The following STN1 variants were observed in gnomAD, a reference collection of about 807,000 sequenced individuals.
The protein encoded by STN1 is STN1 subunit of CST complex, also known as CST complex subunit STN1.
Under a neutral mutation model 45.5 loss-of-function variants are expected in STN1, and 29 were observed. The ratio of observed to expected loss-of-function variants is 0.64; its 90% CI spans 0.47 to 0.87. The LOEUF is 0.87. Among genes scored for constraint, STN1 ranks in the 40% least tolerant of loss-of-function variants. STN1 has a pLI of 0.00. For synonymous variants in STN1, 148 were observed against 159.0 expected (o/e 0.93, Z 0.52); for missense variants, 376 against 441.4 (o/e 0.85, Z 1.33).
chr10:103,907,579 G>C (rs1265474803), intron 3 of STN1, among the ~76,000 whole-genome samples: 2 of 152,122 alleles, frequency 1.3e-5, no homozygotes, highest in African/African-American at 4.8e-5. Flanking sequence ...CTGGGAACAT[G>C]TTTAGAATGA....
At chr10:103,883,405 C>T (rs1347174462) in intron 9 of STN1, among the ~76,000 whole-genome samples, 1 of 151,944 alleles carries the variant, frequency 6.6e-6, no homozygotes, top group Non-Finnish European at 1.5e-5. Flanking sequence ...ATGCTCTGCC[C>T]CAAACTAAGA....
intron 9 of STN1, among the ~76,000 whole-genome samples, chr10:103,887,821 C>T (rs1258729493): frequency 6.6e-6 from 1 of 152,200 alleles, no homozygotes; most frequent in Non-Finnish European, 1.5e-5. Context: ...ATGTGCTTTA[C>T]TAGCCCTAGG....
At chr10:103,895,699 GA>G (rs1843166694) in intron 7 of STN1, among the ~76,000 whole-genome samples, 1 of 152,216 alleles carries the variant, frequency 6.6e-6, no homozygotes, top group South Asian at 2.1e-4. Context: ...AAACAAAACT[GA>G]GAAGCAGTGG....
Position 103,879,663 on chromosome 10 carries a change from G to A in STN1, c.*3021C>T, listed in dbSNP as rs911547. 0.76 allele frequency: 115,529 copies of A among 152,682 alleles called. 45,802 individuals carry two copies. Among genetic ancestry groups the A allele is most frequent in the East Asian group, 0.98 (5,073 of 5,174 alleles). The allele number at this position is 152,682 out of a possible 1,614,324, so 9.5% of individuals were successfully genotyped here. A position where few individuals can be genotyped will look rare whatever the true frequency, so the allele number is the denominator to read the frequency against. ...TCAGGCTCCTACCTGGGGCAAGACC[G>A]AAGGCTGTAGGAGAGTGGGAGCATT... On this transcript the variant is annotated 3_prime_UTR_variant, in exon 10 of 10. Coordinates refer to ENST00000224950, the MANE Select transcript of STN1 (RefSeq NM_024928.5).
intron 2 of STN1, among the ~76,000 whole-genome samples, chr10:103,916,127 G>A (rs1379748740): frequency 2.6e-5 from 4 of 152,190 alleles, no homozygotes; most frequent in Non-Finnish European, 2.9e-5. Flanking sequence ...TGCTTTAACC[G>A]TGAGGTTTCA....
At position 103,882,754 on chromosome 10, in the gene STN1, T is replaced by C. The variant is rs1564910289; in HGVS notation, c.1037A>G (p.Gln346Arg). ...RPGLSEAVLQQVLELLEDQSD... is the reference protein window; with the variant it reads ...RPGLSEAVLQRVLELLEDQSD... ...CTGGTCCTCCAGGAGCTCCAGAACT[T>C]GCTGCAGCACAGCCTCGCTCAGGCC... is the stretch of plus-strand genomic sequence containing the variant. The change falls in exon 10 of 10, where the codon CAA becomes CGA. Residue 346 changes from glutamine (Q) to arginine (R), a missense_variant. Transcript: ENST00000224950. 2 of 1,614,110 alleles carry C rather than the reference T, an allele frequency of 1.2e-6. No individual in the cohort carries two copies. Among genetic ancestry groups the C allele is most frequent in the South Asian group, 1.1e-5 (1 of 91,090 alleles).
chr10:103,887,090 T>C (rs1843108215), intron 9 of STN1, among the ~76,000 whole-genome samples: 1 of 152,214 alleles, frequency 6.6e-6, no homozygotes, highest in African/African-American at 2.4e-5. Flanking sequence ...CCAGGCTATA[T>C]TCTGTTTGAA....
chr10:103,908,004 C>T (rs1298369024), intron 3 of STN1, among the ~76,000 whole-genome samples: 2 of 151,960 alleles, frequency 1.3e-5, no homozygotes, highest in African/African-American at 4.8e-5. Flanking sequence ...TGGTAAGCAC[C>T]TGTAGTCCCA....
chr10:103,909,462 A>ATATATATG lies in STN1; in HGVS notation c.229+1057_229+1064dup, dbSNP rs1363009844. 4.3e-4 allele frequency among the ~76,000 whole-genome samples: 44 copies of ATATATATG among 102,658 alleles called. 3 individuals are homozygous for ATATATATG. The highest frequency in any genetic ancestry group is 1.7e-3 in the African/African-American group (40 of 24,216). The allele number at this position is 102,658 out of a possible 152,430, so 67.3% of individuals were successfully genotyped here. A position where few individuals can be genotyped will look rare whatever the true frequency, so the allele number is the denominator to read the frequency against. ...TATATATGTATATATGTATATATGT[A>ATATATATG]TATATATGTATATATGTATATATAT... On this transcript the variant is annotated intron_variant, in intron 3 of 9. Transcript: ENST00000224950.
chr10:103,905,467 A>G (rs1843234657), intron 3 of STN1, among the ~76,000 whole-genome samples: 1 of 152,176 alleles, frequency 6.6e-6, no homozygotes, highest in East Asian at 1.9e-4. Context: ...ACACCTCTCT[A>G]CTAAAAATGG....
chr10:103,907,940 C>T (rs1382468255), intron 3 of STN1, among the ~76,000 whole-genome samples: 1 of 151,914 alleles, frequency 6.6e-6, no homozygotes, highest in Non-Finnish European at 1.5e-5. Context: ...ACCAGCCTGG[C>T]CAACATGGTG....
At position 103,909,396 on chromosome 10, in the gene STN1, ATG is replaced by A. The variant is rs1287732951; in HGVS notation, c.229+1129_229+1130del. On this transcript the variant is annotated intron_variant, in intron 3 of 9. Coordinates refer to ENST00000224950, the MANE Select transcript of STN1 (RefSeq NM_024928.5). ...TATATATATGTATATATATGTATAT[ATG>A]TATATATATGTATATATGTATATAT... 1.9e-3 allele frequency among the ~76,000 whole-genome samples: 132 copies of A among 68,524 alleles called. 1 individual carries two copies. Among genetic ancestry groups the A allele is most frequent in the African/African-American group, 2.1e-3 (43 of 20,614 alleles). 45.0% of individuals were successfully genotyped at this position (68,524 alleles called of 152,430 possible).
chr10:103,901,594 T>A (rs776379987), intron 4 of STN1, among the ~76,000 whole-genome samples: 4 of 152,240 alleles, frequency 2.6e-5, no homozygotes, highest in African/African-American at 9.6e-5. Context: ...GAAATGGATA[T>A]AACAGTAGAG....
intron 4 of STN1, among the ~76,000 whole-genome samples, chr10:103,901,621 AGTT>A (rs1243377764): frequency 3.9e-5 from 6 of 152,180 alleles, no homozygotes; most frequent in Non-Finnish European, 5.9e-5. Flanking sequence ...TCATACATAG[AGTT>A]GTTGTGCATT....
In STN1 at chr10:103,897,532, G is replaced by T. The variant is rs1192737170; in HGVS notation, c.753+16C>A. 6.2e-7 allele frequency: 1 copy of T among 1,612,154 alleles called. No individual in the cohort carries two copies. The highest frequency in any genetic ancestry group is 2.2e-5 in the East Asian group (1 of 44,870). On this transcript the variant is annotated intron_variant, in intron 7 of 9. Transcript: ENST00000224950. Reference sequence around the variant, plus strand: ...GGCAGGGAACCAGAATTCTCACATGGGCATGCTGCACTCACTTGGTCGGAG... The same window carrying T: ...GGCAGGGAACCAGAATTCTCACATGTGCATGCTGCACTCACTTGGTCGGAG...
chr10:103,917,397 T>C, intron 2 of STN1, 65 bp downstream of exon 2: 2 of 1,534,398 alleles, frequency 1.3e-6, no homozygotes, highest in Non-Finnish European at 1.8e-6. Context: ...AATCCCAGCT[T>C]TCTGAGACTT....
intron 7 of STN1, among the ~76,000 whole-genome samples, chr10:103,895,496 A>T (rs781580884): frequency 1.3e-5 from 2 of 152,244 alleles, no homozygotes; most frequent in Non-Finnish European, 2.9e-5. Context: ...AGTGGGAAGA[A>T]GGTCAATCTT....
At chr10:103,911,253 T>A (rs1457597149) in intron 2 of STN1, among the ~76,000 whole-genome samples, 1 of 152,142 alleles carries the variant, frequency 6.6e-6, no homozygotes, top group African/African-American at 2.4e-5. Context: ...TACCCACTGA[T>A]ACCCAGAGGC....
intron 7 of STN1, among the ~76,000 whole-genome samples, chr10:103,894,882 C>T (rs1162083444): frequency 6.6e-6 from 1 of 152,140 alleles, no homozygotes; most frequent in Non-Finnish European, 1.5e-5. Flanking sequence ...CCCTGCTTAT[C>T]ATGTTTCTGG....
Sources: allele counts gnomAD v4.1 joint callset (sites outside exome capture counted in the v4.1 genomes callset), GRCh38; gene constraint gnomAD v4.1.1; transcripts MANE v1.5; gene names NCBI Gene and HGNC (gene_info 2026-07-23, HGNC 2026-07-21).